SH2D7: variants seen among roughly 807,000 people sequenced by gnomAD.
SH2D7 encodes SH2 domain containing 7.
A neutral mutation model predicts 40.8 loss-of-function variants in SH2D7; 32 were observed. That is an observed-to-expected ratio of 0.78 (90% CI 0.59 to 1.05). The LOEUF is 1.05. Among genes scored for constraint, SH2D7 ranks in the 50% least tolerant of loss-of-function variants. SH2D7 has a pLI of 0.00. For synonymous variants in SH2D7, 195 were observed against 221.5 expected (o/e 0.88, Z 1.06); for missense variants, 559 against 566.6 (o/e 0.99, Z 0.14).
In SH2D7 at chr15:78,101,063, C is replaced by A. The variant is rs1181704226; in HGVS notation, c.810C>A (p.Gly270=). 1.9e-6 allele frequency: 3 copies of A among 1,603,196 alleles called. No homozygotes were observed. Among genetic ancestry groups the A allele is most frequent in the Non-Finnish European group, 2.6e-6 (3 of 1,175,374 alleles). The change falls in exon 5 of 6, where the codon GGC becomes GGA. Residue 270 remains glycine (G), a synonymous_variant. Transcript: ENST00000328828. The stretch of plus-strand genomic sequence containing the variant: ...GCAGGCATGGGCCAGTTCCAGCTGG[C>A]AGCCAGGCCTACTCCCCAGGCAGGG... ...GSGRHGPVPA[G]SQAYSPGREA... is the part of the protein sequence containing the mutation.
chr15:78,098,670 C>T, intron 4 of SH2D7, 74 bp downstream of exon 4: 1 of 1,505,326 alleles, frequency 6.6e-7, no homozygotes. Flanking sequence ...CCCAGTCAGA[C>T]CCTGAGGCCA....
At chr15:78,095,097 A>T (rs2073962847) in intron 2 of SH2D7, among the ~76,000 whole-genome samples, 1 of 152,242 alleles carries the variant, frequency 6.6e-6, no homozygotes, top group Admixed American at 6.5e-5. Flanking sequence ...TGAGCAAGTT[A>T]CTTTGCTTCT....
intron 5 of SH2D7, 54 bp from the exon 6 acceptor site, chr15:78,103,411 C>A: frequency 6.5e-7 from 1 of 1,547,244 alleles, no homozygotes; most frequent in South Asian, 1.2e-5. Context: ...GAGCCTGGGT[C>A]TTTCCCTCCC....
At chr15:78,092,381 C>T (rs1192418519), upstream of SH2D7, among the ~76,000 whole-genome samples, 1 of 152,134 alleles carries the variant, frequency 6.6e-6, no homozygotes, top group Admixed American at 6.5e-5. Context: ...GGTGATTGTT[C>T]CCCCATGTCT....
intron 2 of SH2D7, among the ~76,000 whole-genome samples, chr15:78,094,778 G>C (rs1352943695): frequency 1.3e-5 from 2 of 152,176 alleles, no homozygotes; most frequent in African/African-American, 4.8e-5. Context: ...GAGAGGACTG[G>C]AAGTCAGAGC....
Position 78,101,107 on chromosome 15 carries a change from CAGAT to C in SH2D7, c.855_858del (p.Asp286GlufsTer16), listed in dbSNP as rs1234396237. On this transcript the variant is annotated frameshift_variant, in exon 5 of 6. Transcript: ENST00000328828. LOFTEE classifies it high-confidence loss of function. Reference sequence around the variant, plus strand: ...GGCAGGGAGGCCCAAAGGAGACTCTCAGATGGAGAACAGAACAGGCCTGATGGCC... The same window carrying C: ...GGCAGGGAGGCCCAAAGGAGACTCTCGGAGAACAGAACAGGCCTGATGGCC... 4 of 1,574,256 alleles carry C rather than the reference CAGAT, an allele frequency of 2.5e-6. No homozygotes were observed. The highest frequency in any genetic ancestry group is 3.4e-6 in the Non-Finnish European group (4 of 1,164,042).
chr15:78,102,387 C>G (rs1233700393), intron 5 of SH2D7, among the ~76,000 whole-genome samples: 3 of 152,204 alleles, frequency 2.0e-5, no homozygotes, highest in African/African-American at 7.2e-5. Context: ...CCACCCAGGA[C>G]CTCCATTTCC....
At position 78,101,464 on chromosome 15, in the gene SH2D7, A is replaced by G. The variant is rs1219407289; in HGVS notation, c.1211A>G (p.Lys404Arg). 3 of 1,613,374 alleles carry G rather than the reference A, an allele frequency of 1.9e-6. No individual in the cohort carries two copies. The African/African-American group carries it at 4.0e-5, about 22-fold the overall frequency. The change falls in exon 5 of 6, where the codon AAG (lysine) becomes AGG (arginine). Residue 404 changes from lysine to arginine, a missense_variant. Lys to Arg is a conservative substitution (Grantham distance 26). Transcript: ENST00000328828. ...TATAGCCCATGGGTCCATGGCTACA[A>G]GAGGATCTCAGGGACCCCAGAGCTC... ...PTYSPWVHGY[K>R]RISGTPELSE... is the part of the protein sequence containing the mutation.
upstream of SH2D7, among the ~76,000 whole-genome samples, chr15:78,090,201 G>A (rs926055342): frequency 2.0e-5 from 3 of 152,148 alleles, no homozygotes; most frequent in African/African-American, 7.2e-5. Flanking sequence ...GAGCTCAGGA[G>A]ATCAAGACCA....
upstream of SH2D7, chr15:78,092,458 C>G (rs1411406636): frequency 3.7e-6 from 4 of 1,069,870 alleles, no homozygotes; most frequent in Non-Finnish European, 5.2e-6. Context: ...CCAGAGGTGA[C>G]AATGGGGCTG....
rs376172764 is a variant in SH2D7, at chr15:78,101,605, C to T, written c.1305+47C>T. ...GGCGGCTCCCAGCCCTTAGAGAGCA[C>T]CTGGTGGTAGGAGACAACCTGAAGC... On this transcript the variant is annotated intron_variant, in intron 5 of 5. Coordinates refer to ENST00000328828, the MANE Select transcript of SH2D7 (RefSeq NM_001101404.2). 7 of 1,508,238 alleles carry T rather than the reference C, an allele frequency of 4.6e-6. No individual in the cohort carries two copies. In the African/African-American group the frequency reaches 8.4e-5, roughly 18 times the overall value. 93.4% of individuals were successfully genotyped at this position (1,508,238 alleles called of 1,614,324 possible). A position where few individuals can be genotyped will look rare whatever the true frequency, so the allele number is the denominator to read the frequency against.
chr15:78,097,032 A>G (rs576302029), intron 2 of SH2D7, among the ~76,000 whole-genome samples: 11 of 152,372 alleles, frequency 7.2e-5, no homozygotes, highest in Admixed American at 4.6e-4. Context: ...TTCATTAACT[A>G]GAATACTACA....
upstream of SH2D7, among the ~76,000 whole-genome samples, chr15:78,092,150 T>C (rs1305914072): frequency 6.6e-6 from 1 of 152,238 alleles, no homozygotes; most frequent in African/African-American, 2.4e-5. Context: ...AGCACAGAAC[T>C]TCTCCATCAA....
At chr15:78,091,568 C>T (rs1460779720), upstream of SH2D7, among the ~76,000 whole-genome samples, 2 of 152,114 alleles carry the variant, frequency 1.3e-5, no homozygotes, top group Non-Finnish European at 2.9e-5. Context: ...TGCTGCCTTA[C>T]CATCCACCCG....
chr15:78,092,001 A>G (rs1328335081), upstream of SH2D7, among the ~76,000 whole-genome samples: 1 of 152,160 alleles, frequency 6.6e-6, no homozygotes, highest in Non-Finnish European at 1.5e-5. Context: ...TTCTACACAT[A>G]TATTTGTTTG....
At position 78,104,283 on chromosome 15, in the gene SH2D7, C is replaced by T. The variant is rs2074035044; in HGVS notation, c.*768C>T. On this transcript the variant is annotated 3_prime_UTR_variant, in exon 6 of 6. Transcript: ENST00000328828. The surrounding 1 kb of genome is among the most constrained non-coding windows in gnomAD (Gnocchi z 4.4). ...GCCCTGACCCTGGGCAGAGCGGGCT[C>T]AGGTTGCATTTGTGGGAAATCTACT... The T allele has an allele frequency of 6.6e-6, 1 of 152,274 alleles. No individual in the cohort carries two copies. Among genetic ancestry groups the T allele is most frequent in the Non-Finnish European group, 1.5e-5 (1 of 68,094 alleles). The allele number at this position is 152,274 out of a possible 1,614,324, so 9.4% of individuals were successfully genotyped here.
chr15:78,093,869 T>C, intron 1 of SH2D7, among the ~76,000 whole-genome samples: 1 of 152,210 alleles, frequency 6.6e-6, no homozygotes, highest in East Asian at 1.9e-4. Context: ...GGGTTGCATA[T>C]GGCTTCAGAC....
chr15:78,103,098 T>C (rs532328679), intron 5 of SH2D7, among the ~76,000 whole-genome samples: 1 of 152,030 alleles, frequency 6.6e-6, no homozygotes, highest in Non-Finnish European at 1.5e-5. Context: ...CCCATCTCTG[T>C]GGGCCTGGGT....
At position 78,101,033 on chromosome 15, in the gene SH2D7, G is replaced by A. The variant is rs1374523231; in HGVS notation, c.780G>A (p.Gly260=). 6.2e-7 allele frequency: 1 copy of A among 1,611,516 alleles called. No homozygotes were observed. The highest frequency in any genetic ancestry group is 1.1e-5 in the South Asian group (1 of 90,682). ...CACGGCTAGGCTTGGGCACAGAGGG[G>A]TCCGGCAGGCATGGGCCAGTTCCAG... is the stretch of plus-strand genomic sequence containing the variant. ...NQARLGLGTE[G]SGRHGPVPAG... The change falls in exon 5 of 6, where the codon GGG becomes GGA. Residue 260 remains glycine (G), a synonymous_variant. Transcript: ENST00000328828.
Sources: allele counts gnomAD v4.1 joint callset (sites outside exome capture counted in the v4.1 genomes callset), GRCh38; gene constraint gnomAD v4.1.1; non-coding constraint Gnocchi (gnomAD v3.1); transcripts MANE v1.5; gene names NCBI Gene and HGNC (gene_info 2026-07-23, HGNC 2026-07-21).